Variants in BLTP1 observed in about 807,000 individuals in gnomAD.
The protein encoded by BLTP1 is bridge-like lipid transfer protein family member 1, also known as fragile site-associated protein.
At chr4:122,209,106 A>G in the BLTP1 span, 1 of 1,514,728 alleles carries the variant, frequency 6.6e-7, no homozygotes, top group Non-Finnish European at 8.8e-7. Context: ...AGTATTAACC[A>G]ACATATTTAT....
At chr4:122,264,268 T>C in the BLTP1 span, 1 of 1,603,422 alleles carries the variant, frequency 6.2e-7, no homozygotes, top group Non-Finnish European at 8.5e-7. Context: ...CACCCAATCT[T>C]CCAACAATAC....
chr4:122,179,690 A>G, the BLTP1 span, among the ~76,000 whole-genome samples: 1 of 152,208 alleles, frequency 6.6e-6, no homozygotes, highest in Non-Finnish European at 1.5e-5. Context: ...AGAGAGGCAT[A>G]TATATGCATA....
the BLTP1 span, chr4:122,300,785 T>G: frequency 2.3e-6 from 1 of 438,412 alleles, no homozygotes; most frequent in Non-Finnish European, 3.0e-6. Flanking sequence ...TACAAAAAGA[T>G]TAATCATTGT....
chr4:122,229,639 T>C, the BLTP1 span: 1 of 801,070 alleles, frequency 1.2e-6, no homozygotes, highest in Non-Finnish European at 1.5e-6. Flanking sequence ...AATCAAGCCT[T>C]GTTAAGTTTC....
At chr4:122,352,832 C>G in the BLTP1 span, 1 of 1,551,950 alleles carries the variant, frequency 6.4e-7, no homozygotes, top group African/African-American at 1.4e-5. Flanking sequence ...TAGCCACTTG[C>G]TGCCTCACTC....
the BLTP1 span, among the ~76,000 whole-genome samples, chr4:122,324,071 C>T: frequency 1.2e-4 from 18 of 152,050 alleles, no homozygotes; most frequent in South Asian, 3.3e-3. Context: ...TCTCCACTGC[C>T]CCGAACTTAG....
At chr4:122,309,658 A>C in the BLTP1 span, among the ~76,000 whole-genome samples, 1 of 152,116 alleles carries the variant, frequency 6.6e-6, no homozygotes, top group Non-Finnish European at 1.5e-5. Context: ...TAAGTAAACC[A>C]ACCAGGCATT....
the BLTP1 span, among the ~76,000 whole-genome samples, chr4:122,241,786 T>C: frequency 6.6e-6 from 1 of 152,226 alleles, no homozygotes; most frequent in African/African-American, 2.4e-5. Flanking sequence ...ATATGAATTT[T>C]CCAGTGTAAA....
At chr4:122,162,323 A>G in the BLTP1 span, among the ~76,000 whole-genome samples, 2 of 152,198 alleles carry the variant, frequency 1.3e-5, no homozygotes, top group African/African-American at 2.4e-5. Flanking sequence ...GTAATGTTAT[A>G]TGGATATATT....
chr4:122,349,430 AATT>A, the BLTP1 span: 1 of 1,565,406 alleles, frequency 6.4e-7, no homozygotes, highest in Non-Finnish European at 8.7e-7. This position sits in a 1 kb window ranked among gnomAD's most constrained non-coding sequence, Gnocchi z 4.5. Context: ...TGTCAAAATT[AATT>A]ATTGTTTCTA....
At chr4:122,162,728 A>C in the BLTP1 span, 1 of 863,250 alleles carries the variant, frequency 1.2e-6, no homozygotes, top group Non-Finnish European at 1.4e-6. Context: ...GGTTATAACA[A>C]CAACAACAAA....
chr4:122,189,941 CT>C, the BLTP1 span: 1 of 1,586,670 alleles, frequency 6.3e-7, no homozygotes, highest in Non-Finnish European at 8.6e-7. Context: ...AACTAGGATA[CT>C]GAACATTTTA....
the BLTP1 span, among the ~76,000 whole-genome samples, chr4:122,211,489 T>C: frequency 6.6e-6 from 1 of 152,180 alleles, no homozygotes; most frequent in Non-Finnish European, 1.5e-5. Context: ...TGGAAAAGAC[T>C]ACTTTAAGTG....
At chr4:122,302,356 A>T in the BLTP1 span, 1 of 536,986 alleles carries the variant, frequency 1.9e-6, no homozygotes, top group Non-Finnish European at 2.4e-6. Flanking sequence ...AGGTTTTTTT[A>T]TGAATTGAAG....
At chr4:122,257,575 A>C in the BLTP1 span, 1 of 1,314,478 alleles carries the variant, frequency 7.6e-7, no homozygotes, top group Non-Finnish European at 1.1e-6. Context: ...CAATTACTGT[A>C]TGTTTTTTGC....
the BLTP1 span, among the ~76,000 whole-genome samples, chr4:122,313,151 G>A: frequency 2.6e-5 from 4 of 152,100 alleles, no homozygotes; most frequent in African/African-American, 9.7e-5. Flanking sequence ...CTCATAAAAT[G>A]TTCCATGTCA....
chr4:122,266,976 G>A, the BLTP1 span: 4 of 1,368,312 alleles, frequency 2.9e-6, no homozygotes, highest in Non-Finnish European at 4.0e-6. Context: ...TTGCATTTTT[G>A]TGTATAATTT....
At chr4:122,279,683 A>G in the BLTP1 span, 1 of 1,393,166 alleles carries the variant, frequency 7.2e-7, no homozygotes, top group Non-Finnish European at 9.5e-7. Flanking sequence ...TCTCAAATTT[A>G]TAAGTATTTT....
chr4:122,301,474 CT>C, the BLTP1 span: 1 of 766,866 alleles, frequency 1.3e-6, no homozygotes, highest in Non-Finnish European at 2.0e-6. Flanking sequence ...AAATTTGTAT[CT>C]TACATAAATT....
Sources: gnomAD v4.1 joint callset for allele counts (sites outside exome capture counted in the v4.1 genomes callset) on GRCh38, gnomAD v4.1.1 for gene constraint, Gnocchi (gnomAD v3.1) non-coding constraint, MANE v1.5 for transcripts, NCBI Gene and HGNC (gene_info 2026-07-23, HGNC 2026-07-21) for gene names.